The following PAPPA2 variants were observed in gnomAD, a reference collection of about 807,000 sequenced individuals.
PAPPA2 encodes pappalysin-2.
PAPPA2 carries 86 observed loss-of-function variants against 176.4 expected under a neutral mutation model. That is an observed-to-expected ratio of 0.49 (90% confidence interval 0.41 to 0.58). The LOEUF (loss-of-function observed/expected upper bound fraction) is 0.58, where lower values mean the gene tolerates loss of function less well. Ranked by LOEUF, PAPPA2 falls within the 20% of genes least tolerant of loss-of-function variation. The probability of loss-of-function intolerance (pLI) is 0.00; values close to 1 mark genes in which losing one functional copy is unlikely to be tolerated. For synonymous variants in PAPPA2, 809 were observed against 852.2 expected, an observed-to-expected ratio of 0.95 and a Z score of 0.88; for missense variants, 2,073 against 2,256.9, an observed-to-expected ratio of 0.92 and a Z score of 1.65.
rs759601604 is a variant in PAPPA2 at position 176,595,491 on chromosome 1, C to T, written c.1887C>T (p.His629=). The T allele has an allele frequency of 4.7e-5, 76 of 1,614,082 alleles. No individual in the cohort carries two copies. Among genetic ancestry groups the T allele is most frequent in the Admixed American group, 1.2e-4 (7 of 60,008 alleles). ...GGAACCGCAGGGATGGGCTCTGTCA[C>T]GTGGAGTGTAACAACATGCTGAACG... The part of the protein sequence containing the change: ...YSWNRRDGLC[H]VECNNMLNDF... Residue 629 remains histidine, a synonymous_variant, in exon 3 of 23, where the codon CAC becomes CAT. Coordinates refer to ENST00000367662, the MANE Select transcript of PAPPA2 (RefSeq NM_020318.3).
chr1:176,797,490 A>T (rs1469452733), intron 20 of PAPPA2, among the ~76,000 whole-genome samples: 8 of 152,108 alleles, frequency 5.3e-5, no homozygotes, highest in East Asian at 1.9e-4. Context: ...TAAAATAAAA[A>T]TTTTTTAAAA....
chr1:176,774,031 G>T (rs1013625364), intron 17 of PAPPA2, among the ~76,000 whole-genome samples: 5 of 152,056 alleles, frequency 3.3e-5, no homozygotes, highest in Non-Finnish European at 5.9e-5. Flanking sequence ...ATGGAGTCAG[G>T]ATCTTTATTA....
intron 1 of PAPPA2, among the ~76,000 whole-genome samples, chr1:176,469,282 T>TGATC (rs1264176582): frequency 6.6e-6 from 1 of 152,226 alleles, no homozygotes; most frequent in African/African-American, 2.4e-5. Flanking sequence ...AAACAGTTTC[T>TGATC]GATCACTCTG....
intron 3 of PAPPA2, among the ~76,000 whole-genome samples, chr1:176,657,066 G>C (rs1432381361): frequency 6.6e-6 from 1 of 151,864 alleles, no homozygotes; most frequent in Non-Finnish European, 1.5e-5. Flanking sequence ...CCCACAGTCT[G>C]TGGCTTAATT....
At chr1:176,789,252 G>A (rs1665071549) in intron 17 of PAPPA2, among the ~76,000 whole-genome samples, 1 of 152,162 alleles carries the variant, frequency 6.6e-6, no homozygotes, top group Non-Finnish European at 1.5e-5. Flanking sequence ...GTCCTTTGCA[G>A]GGGCATGGAT....
intron 1 of PAPPA2, among the ~76,000 whole-genome samples, chr1:176,498,622 C>A (rs1019681271): frequency 6.6e-6 from 1 of 151,798 alleles, no homozygotes; most frequent in Non-Finnish European, 1.5e-5. Context: ...TGGTGGCGGG[C>A]GCCTGTAGTC....
intron 3 of PAPPA2, among the ~76,000 whole-genome samples, chr1:176,620,049 T>C (rs543491775): frequency 6.6e-6 from 1 of 152,310 alleles, no homozygotes; most frequent in African/African-American, 2.4e-5. Context: ...TTCTAGAGGC[T>C]GGGAAGTCCA....
At chr1:176,840,144 T>G (rs778023300) in intron 21 of PAPPA2, 29 bp from the exon 22 acceptor site, 8 of 1,530,236 alleles carry the variant, frequency 5.2e-6, no homozygotes, top group South Asian at 3.4e-5. Flanking sequence ...AAGGCTATAC[T>G]GAGATGTTGC....
intron 8 of PAPPA2, 123 bp from the exon 9 acceptor site, chr1:176,702,484 C>T: frequency 1.5e-6 from 2 of 1,362,300 alleles, no homozygotes; most frequent in Non-Finnish European, 2.0e-6. Flanking sequence ...GACAATGCAG[C>T]GTATGTTTAA....
intron 2 of PAPPA2, among the ~76,000 whole-genome samples, chr1:176,580,145 T>G (rs1402338153): frequency 6.6e-6 from 1 of 152,124 alleles, no homozygotes; most frequent in Non-Finnish European, 1.5e-5. Flanking sequence ...TTTAGCAAAT[T>G]TATCCCTATC....
intron 1 of PAPPA2, among the ~76,000 whole-genome samples, chr1:176,464,295 A>G (rs1464499911): frequency 6.6e-6 from 1 of 152,172 alleles, no homozygotes; most frequent in Non-Finnish European, 1.5e-5. Flanking sequence ...TGCTGAGTCT[A>G]GTTTTGCCAT....
chr1:176,594,784 C>T lies in PAPPA2; in HGVS notation c.1180C>T (p.Pro394Ser), dbSNP rs1255241135. 6 of 1,614,244 alleles carry T rather than the reference C, an allele frequency of 3.7e-6. No homozygotes were observed. The highest frequency in any genetic ancestry group is 3.4e-6 in the Non-Finnish European group (4 of 1,180,044). Reference protein sequence around the residue: ...QVASSLDQSGPLNSPFMASCR... With the variant: ...QVASSLDQSGSLNSPFMASCR... ...GGCTAGCAGTCTAGACCAGTCTGGT[C>T]CCCTGAACAGCCCCTTCATGGCATC... Residue 394 changes from proline (P) to serine (S), a missense_variant, in exon 3 of 23, where the codon CCC (proline) becomes TCC (serine). Physicochemically the swap from Pro to Ser is moderately conservative, Grantham distance 74. This residue lies in a region of PAPPA2 where 1,196 missense variants were observed against 1,330.4 expected (regional missense o/e 0.90). Transcript: ENST00000367662.
intron 3 of PAPPA2, among the ~76,000 whole-genome samples, chr1:176,602,031 G>T (rs561346046): frequency 6.6e-6 from 1 of 152,132 alleles, no homozygotes; most frequent in Admixed American, 6.5e-5. Flanking sequence ...GTGGAGAAAA[G>T]TCTCCAAATA....
chr1:176,633,794 A>G (rs1656494790), intron 3 of PAPPA2, among the ~76,000 whole-genome samples: 1 of 152,246 alleles, frequency 6.6e-6, no homozygotes, highest in Non-Finnish European at 1.5e-5. Context: ...ATATGAACAG[A>G]CACTTCTCGA....
chr1:176,645,186 T>G (rs1453585389), intron 3 of PAPPA2, among the ~76,000 whole-genome samples: 1 of 151,780 alleles, frequency 6.6e-6, no homozygotes, highest in Non-Finnish European at 1.5e-5. Flanking sequence ...CACTAGGTCT[T>G]GTTTCTTCTT....
intron 1 of PAPPA2, among the ~76,000 whole-genome samples, chr1:176,549,159 T>C (rs1288231733): frequency 2.0e-5 from 3 of 152,218 alleles, no homozygotes; most frequent in Non-Finnish European, 2.9e-5. Context: ...GCAAAATATG[T>C]GATAATGCTA....
chr1:176,526,497 A>T (rs1286364634), intron 1 of PAPPA2, among the ~76,000 whole-genome samples: 2 of 152,228 alleles, frequency 1.3e-5, no homozygotes, highest in Non-Finnish European at 2.9e-5. Flanking sequence ...GCCCTAGAAG[A>T]TGACAGTACC....
intron 3 of PAPPA2, among the ~76,000 whole-genome samples, chr1:176,647,464 G>T (rs933197925): frequency 3.3e-5 from 5 of 151,500 alleles, no homozygotes; most frequent in African/African-American, 7.3e-5. Context: ...TGCCTGTGGG[G>T]TGTGACTCAA....
intron 4 of PAPPA2, among the ~76,000 whole-genome samples, chr1:176,689,528 C>A (rs1660003723): frequency 6.6e-6 from 1 of 152,170 alleles, no homozygotes; most frequent in Non-Finnish European, 1.5e-5. Flanking sequence ...ACACAGCTGT[C>A]ATTTCCTTTA....
Sources: gnomAD v4.1 joint callset for allele counts (sites outside exome capture counted in the v4.1 genomes callset) on GRCh38, gnomAD v4.1.1 for gene constraint, gnomAD v4.1.1 regional missense constraint, MANE v1.5 for transcripts, NCBI Gene and HGNC (gene_info 2026-07-23, HGNC 2026-07-21) for gene names.